GALNT13: variants seen among roughly 807,000 people sequenced by gnomAD.
The protein encoded by GALNT13 is UDP-GalNAc:polypeptide N-acetylgalactosaminyltransferase 13.
In GALNT13, 28 loss-of-function variants were observed where a neutral mutation model predicts 64.2. That is an observed-to-expected ratio of 0.44 (90% CI 0.32 to 0.60). GALNT13 has a LOEUF of 0.60. Among genes scored for constraint, GALNT13 ranks in the 20% least tolerant of loss-of-function variants. The pLI is 0.05. For synonymous variants in GALNT13, 214 were observed against 224.6 expected (o/e 0.95, Z 0.42); for missense variants, 577 against 669.8 (o/e 0.86, Z 1.53).
chr2:153,897,023 G>A (rs6720771), intron 1 of GALNT13, among the ~76,000 whole-genome samples: 37,037 of 151,840 alleles, frequency 0.24, 4,779 homozygotes, highest in Non-Finnish European at 0.28. Context: ...TTCTCTCTAT[G>A]TGCTCATGTG....
chr2:153,528,692 C>T, the GALNT13 span, among the ~76,000 whole-genome samples: 1 of 151,878 alleles, frequency 6.6e-6, no homozygotes, highest in Non-Finnish European at 1.5e-5. Flanking sequence ...TTTTAAAATA[C>T]TTTTAAAAAC....
At chr2:153,725,230 C>A in the GALNT13 span, among the ~76,000 whole-genome samples, 5 of 147,066 alleles carry the variant, frequency 3.4e-5, no homozygotes, top group African/African-American at 5.0e-5. Flanking sequence ...ACCGCATATT[C>A]TCCCTCATAG....
the GALNT13 span, among the ~76,000 whole-genome samples, chr2:153,289,120 A>G: frequency 1.3e-5 from 2 of 152,166 alleles, no homozygotes; most frequent in Non-Finnish European, 2.9e-5. Flanking sequence ...TTAAAAATCT[A>G]GTTAAACATT....
chr2:153,654,501 C>A, the GALNT13 span, among the ~76,000 whole-genome samples: 6 of 151,858 alleles, frequency 4.0e-5, no homozygotes, highest in African/African-American at 1.5e-4. Flanking sequence ...TACAAAAATC[C>A]ACATTTTTAA....
the GALNT13 span, among the ~76,000 whole-genome samples, chr2:153,125,887 A>G: frequency 2.6e-5 from 4 of 152,212 alleles, no homozygotes; most frequent in Non-Finnish European, 2.9e-5. Flanking sequence ...GGGTTTATGT[A>G]GAGTATAGTC....
the GALNT13 span, among the ~76,000 whole-genome samples, chr2:153,855,125 TAATG>T: frequency 2.0e-5 from 3 of 152,162 alleles, no homozygotes; most frequent in African/African-American, 7.2e-5. Context: ...AGTTTCCTAA[TAATG>T]CTGCTGAAAT....
intron 2 of GALNT13, among the ~76,000 whole-genome samples, chr2:153,922,355 A>T (rs1215610132): frequency 6.6e-6 from 1 of 152,254 alleles, no homozygotes; most frequent in African/African-American, 2.4e-5. Context: ...TTTCAAAATC[A>T]AAAGAAAATA....
chr2:153,968,809 T>A (rs1404404319), intron 3 of GALNT13, among the ~76,000 whole-genome samples: 1 of 152,212 alleles, frequency 6.6e-6, no homozygotes, highest in Non-Finnish European at 1.5e-5. Context: ...AACAATAGTT[T>A]AATAGTTTTA....
At chr2:153,566,735 G>T in the GALNT13 span, among the ~76,000 whole-genome samples, 3 of 152,150 alleles carry the variant, frequency 2.0e-5, no homozygotes, top group East Asian at 3.9e-4. Flanking sequence ...GACAAACTAG[G>T]ATTTGAAACT....
the GALNT13 span, among the ~76,000 whole-genome samples, chr2:153,703,707 A>G: frequency 6.6e-6 from 1 of 152,140 alleles, no homozygotes; most frequent in African/African-American, 2.4e-5. Flanking sequence ...GCCTTATCAA[A>G]CCAAGCTGAA....
chr2:154,175,733 T>C (rs1685610642), intron 4 of GALNT13, among the ~76,000 whole-genome samples: 1 of 152,164 alleles, frequency 6.6e-6, no homozygotes, highest in South Asian at 2.1e-4. Flanking sequence ...GGGTAATATA[T>C]ACTGGAAAAT....
At chr2:153,927,344 A>G (rs1217639137) in intron 2 of GALNT13, among the ~76,000 whole-genome samples, 1 of 152,018 alleles carries the variant, frequency 6.6e-6, no homozygotes, top group African/African-American at 2.4e-5. Flanking sequence ...GCAGAATGAT[A>G]GGGGAAATGT....
chr2:153,823,098 T>C, the GALNT13 span, among the ~76,000 whole-genome samples: 12 of 152,252 alleles, frequency 7.9e-5, no homozygotes, highest in South Asian at 2.3e-3. Context: ...AGGATAATTA[T>C]AAAACACTGC....
intron 4 of GALNT13, among the ~76,000 whole-genome samples, chr2:154,225,101 G>GAGATAGATGAT (rs531247269): frequency 1.5e-5 from 2 of 136,110 alleles, no homozygotes; most frequent in African/African-American, 5.6e-5. Flanking sequence ...CACACATGGA[G>GAGATAGATGAT]AGATAGATAG....
At chr2:153,410,338 C>T in the GALNT13 span, among the ~76,000 whole-genome samples, 2 of 152,232 alleles carry the variant, frequency 1.3e-5, no homozygotes, top group East Asian at 3.9e-4. Context: ...TCAAGTGATC[C>T]TCCTGCCTGT....
At position 154,008,683 on chromosome 2, in the gene GALNT13, T is replaced by C. The variant is rs571635581; in HGVS notation, c.142+64044T>C. Among the ~76,000 whole-genome samples, 17 of 152,210 alleles carry C rather than the reference T, an allele frequency of 1.1e-4. 1 individual carries two copies. In the South Asian group the frequency reaches 3.3e-3, roughly 30 times the overall value. On this transcript the variant is annotated intron_variant, in intron 3 of 12. Coordinates refer to ENST00000392825, the MANE Select transcript of GALNT13 (RefSeq NM_052917.4). ...CCCATTTATAAGTGAGAACCTGTGG[T>C]ATTTGGTTTTCTCTTCTGTGTTAGT...
chr2:154,179,846 C>A (rs971152422), intron 4 of GALNT13, among the ~76,000 whole-genome samples: 2 of 144,524 alleles, frequency 1.4e-5, no homozygotes, highest in African/African-American at 2.5e-5. Flanking sequence ...AAAAAAAAAT[C>A]TTAAAAGGAG....
chr2:153,193,291 C>A, the GALNT13 span, among the ~76,000 whole-genome samples: 55 of 151,652 alleles, frequency 3.6e-4, 2 homozygotes, highest in Admixed American at 3.2e-3. Context: ...GAGTTCATGT[C>A]CTTTGTAGAG....
At chr2:153,634,418 A>G in the GALNT13 span, among the ~76,000 whole-genome samples, 2 of 151,934 alleles carry the variant, frequency 1.3e-5, no homozygotes, top group Non-Finnish European at 2.9e-5. Flanking sequence ...GTTCTTGATG[A>G]CATCTACTCT....
Sources: gnomAD v4.1 joint callset for allele counts (sites outside exome capture counted in the v4.1 genomes callset) on GRCh38, gnomAD v4.1.1 for gene constraint, MANE v1.5 for transcripts, NCBI Gene and HGNC (gene_info 2026-07-23, HGNC 2026-07-21) for gene names.